The following SEMA3A variants were observed in gnomAD, a reference collection of about 807,000 sequenced individuals.
The protein encoded by SEMA3A is semaphorin-3A.
Under a neutral mutation model 97.9 loss-of-function variants are expected in SEMA3A, and 29 were observed. The ratio of observed to expected loss-of-function variants is 0.30; its 90% CI spans 0.22 to 0.40. The LOEUF is 0.40. Among genes scored for constraint, SEMA3A ranks in the 10% least tolerant of loss-of-function variants. The pLI, the probability that SEMA3A is intolerant of heterozygous loss-of-function variation, is 1.00. For synonymous variants in SEMA3A, 321 were observed against 323.7 expected (o/e 0.99, Z 0.09); for missense variants, 763 against 951.3 (o/e 0.80, Z 2.60).
At chr7:84,258,336 G>T (rs1584176188) in intron 3 of SEMA3A, among the ~76,000 whole-genome samples, 1 of 152,112 alleles carries the variant, frequency 6.6e-6, no homozygotes, top group East Asian at 1.9e-4. Flanking sequence ...ATGTATAATA[G>T]GTATTCATGG....
At chr7:84,224,362 T>C (rs754119982) in intron 3 of SEMA3A, among the ~76,000 whole-genome samples, 2 of 152,036 alleles carry the variant, frequency 1.3e-5, no homozygotes, top group Non-Finnish European at 2.9e-5. Context: ...ACAGTGTTAA[T>C]TGTGTTCTCT....
chr7:84,452,335 C>T (rs1805576468), intron 1 of SEMA3A, among the ~76,000 whole-genome samples: 4 of 152,070 alleles, frequency 2.6e-5, no homozygotes, highest in Admixed American at 2.6e-4. Flanking sequence ...AGTGACGTGC[C>T]ATAAGGCTTC....
At chr7:84,276,060 C>T (rs1462778926) in intron 3 of SEMA3A, among the ~76,000 whole-genome samples, 2 of 152,004 alleles carry the variant, frequency 1.3e-5, no homozygotes, top group Non-Finnish European at 2.9e-5. Flanking sequence ...TCTTCTCAGA[C>T]TTGTCTTTTT....
intron 1 of SEMA3A, among the ~76,000 whole-genome samples, chr7:84,471,980 C>A (rs1423478584): frequency 3.3e-5 from 5 of 151,340 alleles, no homozygotes; most frequent in Non-Finnish European, 5.9e-5. Flanking sequence ...TTATTAATTG[C>A]ATTGACCTGA....
chr7:84,158,215 C>A (rs544565528), intron 1 of SEMA3A, among the ~76,000 whole-genome samples: 1 of 126,116 alleles, frequency 7.9e-6, no homozygotes, highest in Non-Finnish European at 1.6e-5. Context: ...AGTGCAGTGG[C>A]GTGATCTCGG....
At chr7:84,443,279 A>T (rs1300218474) in intron 1 of SEMA3A, among the ~76,000 whole-genome samples, 2 of 152,186 alleles carry the variant, frequency 1.3e-5, no homozygotes, top group Non-Finnish European at 2.9e-5. Context: ...AGTACAAGGG[A>T]ACTTCAAAAA....
chr7:84,175,085 C>T (rs1173134478), intron 1 of SEMA3A, among the ~76,000 whole-genome samples: 1 of 152,078 alleles, frequency 6.6e-6, no homozygotes, highest in African/African-American at 2.4e-5. Context: ...TATCTTCAGC[C>T]AGACCAGTGA....
chr7:84,292,032 C>A (rs1800760144), intron 3 of SEMA3A, among the ~76,000 whole-genome samples: 2 of 152,100 alleles, frequency 1.3e-5, no homozygotes, highest in South Asian at 4.1e-4. Context: ...ACCCATGGAG[C>A]AGAAATTGCT....
At chr7:84,076,451 C>A (rs1028297579) in intron 4 of SEMA3A, among the ~76,000 whole-genome samples, 42 of 152,138 alleles carry the variant, frequency 2.8e-4, no homozygotes, top group African/African-American at 9.2e-4. Flanking sequence ...ATCATAAAAA[C>A]CTGATTTTTT....
intron 2 of SEMA3A, among the ~76,000 whole-genome samples, chr7:84,330,429 C>T (rs556507021): frequency 6.6e-6 from 1 of 152,094 alleles, no homozygotes; most frequent in Admixed American, 6.6e-5. Flanking sequence ...TTATCATATG[C>T]ACTTACTTAA....
chr7:83,966,315 T>C (rs1788692154), intron 15 of SEMA3A, among the ~76,000 whole-genome samples: 1 of 152,204 alleles, frequency 6.6e-6, no homozygotes, highest in African/African-American at 2.4e-5. Flanking sequence ...GCAATTATGA[T>C]AACAAATTGT....
intron 3 of SEMA3A, among the ~76,000 whole-genome samples, chr7:84,230,724 A>G (rs183857194): frequency 6.6e-6 from 1 of 152,064 alleles, no homozygotes; most frequent in East Asian, 1.9e-4. Flanking sequence ...ACAGTTTTGC[A>G]ATAATGTCCT....
intron 4 of SEMA3A, among the ~76,000 whole-genome samples, chr7:84,061,148 C>A (rs1793200769): frequency 6.6e-6 from 1 of 152,144 alleles, no homozygotes; most frequent in Admixed American, 6.6e-5. Flanking sequence ...TCATTCACTT[C>A]TCTAAGAGGG....
intron 2 of SEMA3A, among the ~76,000 whole-genome samples, chr7:84,345,606 G>A (rs1291379120): frequency 2.0e-5 from 3 of 152,168 alleles, no homozygotes; most frequent in African/African-American, 4.8e-5. Flanking sequence ...GTCACCAGGA[G>A]TAGATTTATA....
At chr7:84,277,839 C>T (rs1397593256) in intron 3 of SEMA3A, among the ~76,000 whole-genome samples, 1 of 152,034 alleles carries the variant, frequency 6.6e-6, no homozygotes, top group Non-Finnish European at 1.5e-5. Context: ...GCCTTGGAGG[C>T]CTTTTTTCCA....
At chr7:84,146,297 T>G (rs1796461263) in intron 1 of SEMA3A, among the ~76,000 whole-genome samples, 1 of 152,146 alleles carries the variant, frequency 6.6e-6, no homozygotes, top group Non-Finnish European at 1.5e-5. Flanking sequence ...AGAGGGATCT[T>G]TAGACTGTCT....
intron 3 of SEMA3A, among the ~76,000 whole-genome samples, chr7:84,233,812 T>C (rs1190945455): frequency 6.6e-6 from 1 of 152,000 alleles, no homozygotes; most frequent in African/African-American, 2.4e-5. Context: ...AAACTATGTC[T>C]GGCAAATTTT....
At chr7:84,102,588 CTTTTTTTT>C (rs3074757) in intron 4 of SEMA3A, among the ~76,000 whole-genome samples, 20 of 96,842 alleles carry the variant, frequency 2.1e-4, no homozygotes, top group Admixed American at 1.4e-3. Context: ...TGCATTATCG[CTTTTTTTT>C]TTTTTTTTTT....
intron 15 of SEMA3A, among the ~76,000 whole-genome samples, chr7:83,972,428 A>G (rs1788954913): frequency 1.3e-5 from 2 of 152,060 alleles, no homozygotes; most frequent in South Asian, 4.1e-4. Context: ...GGTATGTTTT[A>G]TTTTCATGAT....
Sources: allele counts gnomAD v4.1 joint callset (sites outside exome capture counted in the v4.1 genomes callset), GRCh38; gene constraint gnomAD v4.1.1; transcripts MANE v1.5; gene names NCBI Gene and HGNC (gene_info 2026-07-23, HGNC 2026-07-21).